NCALD: variants seen among roughly 807,000 people sequenced by gnomAD.
The protein encoded by NCALD is neurocalcin delta.
A neutral mutation model predicts 18.6 loss-of-function variants in NCALD; 10 were observed. The observed-to-expected ratio is 0.54, with a 90% CI of 0.33 to 0.91. NCALD has a LOEUF of 0.91. Among genes scored for constraint, NCALD ranks in the 40% least tolerant of loss-of-function variants. The pLI is 0.03. For synonymous variants in NCALD, 88 were observed against 87.4 expected, an observed-to-expected ratio of 1.01 and a Z score of -0.04; for missense variants, 184 against 247.6, an observed-to-expected ratio of 0.74 and a Z score of 1.72.
rs146483143 is a variant in NCALD, at chr8:101,689,363, G to T, written c.528C>A (p.Asp176Glu). Residue 176 changes from aspartate (D) to glutamate (E), a missense_variant, in exon 4 of 4, where the codon GAC (aspartate) becomes GAA (glutamate). Asp to Glu is a conservative substitution (Grantham distance 45). Transcript: ENST00000220931. This position sits in a 1 kb window ranked among gnomAD's most constrained non-coding sequence, Gnocchi z 4.4. ...ACTGCAGGAGGCGCACAATGGACGG[G>T]TCGCTTTTGGCTCCTCGGATGAACT... Reference protein sequence around the residue: ...LEEFIRGAKSDPSIVRLLQCD... With the variant: ...LEEFIRGAKSEPSIVRLLQCD... 1 of 1,613,074 alleles carries T rather than the reference G, an allele frequency of 6.2e-7. No homozygotes were observed. The highest frequency in any genetic ancestry group is 8.5e-7 in the Non-Finnish European group (1 of 1,179,560).
intron 4 of NCALD, among the ~76,000 whole-genome samples, chr8:101,845,541 T>C (rs1814832075): frequency 6.6e-6 from 1 of 152,192 alleles, no homozygotes; most frequent in Non-Finnish European, 1.5e-5. Flanking sequence ...TTTTCATTGA[T>C]TGTGATTGTA....
chr8:101,979,132 T>A (rs1820526918), intron 2 of NCALD, among the ~76,000 whole-genome samples: 3 of 152,064 alleles, frequency 2.0e-5, no homozygotes, highest in African/African-American at 7.2e-5. Context: ...TCCAGAAGAT[T>A]CCAAGAGTGG....
chr8:102,114,040 A>G (rs1247327645), intron 1 of NCALD, among the ~76,000 whole-genome samples: 1 of 152,266 alleles, frequency 6.6e-6, no homozygotes, highest in Non-Finnish European at 1.5e-5. Context: ...CTTCTCGAGC[A>G]CTTCCTGTGT....
At chr8:102,003,092 C>G (rs528033166) in intron 2 of NCALD, among the ~76,000 whole-genome samples, 2 of 152,160 alleles carry the variant, frequency 1.3e-5, no homozygotes, top group South Asian at 2.1e-4. Context: ...AATCCAGGAG[C>G]TGGTTTCTTG....
rs1814583870 is a variant in NCALD at position 101,688,990 on chromosome 8, T to G, written c.*319A>C. On this transcript the variant is annotated 3_prime_UTR_variant, in exon 4 of 4. Coordinates refer to ENST00000220931, the MANE Select transcript of NCALD (RefSeq NM_032041.3). ...ACAGGACTGGATGGGTTTCCCTTCT[T>G]TTGCCCCAACCCCCGAGTCTTACGT... 1 of 682,716 alleles carries G rather than the reference T, an allele frequency of 1.5e-6. No homozygotes were observed. The highest frequency in any genetic ancestry group is 2.6e-6 in the Non-Finnish European group (1 of 377,664). 42.3% of individuals were successfully genotyped at this position (682,716 alleles called of 1,614,324 possible).
intron 4 of NCALD, among the ~76,000 whole-genome samples, chr8:101,861,219 G>GTTGCCC (rs1408664954): frequency 1.4e-4 from 22 of 152,180 alleles, no homozygotes; most frequent in African/African-American, 5.3e-4. Flanking sequence ...ACTAGCAAAA[G>GTTGCCC]AAAACTAATA....
intron 4 of NCALD, among the ~76,000 whole-genome samples, chr8:101,861,291 G>A (rs1281595296): frequency 6.6e-6 from 1 of 152,116 alleles, no homozygotes; most frequent in African/African-American, 2.4e-5. Context: ...GAAACTGAGA[G>A]ATACCTGGAC....
chr8:101,841,893 A>G (rs1814656915), intron 4 of NCALD, among the ~76,000 whole-genome samples: 1 of 152,192 alleles, frequency 6.6e-6, no homozygotes, highest in South Asian at 2.1e-4. Context: ...ATATCCACAC[A>G]AATAAAGAAA....
intron 3 of NCALD, among the ~76,000 whole-genome samples, chr8:101,913,149 G>A (rs1008690167): frequency 1.3e-5 from 2 of 152,180 alleles, no homozygotes; most frequent in Non-Finnish European, 2.9e-5. Context: ...AGAGGCCCAA[G>A]CTGTACTCAG....
chr8:102,049,569 G>A (rs1002248429), intron 1 of NCALD, among the ~76,000 whole-genome samples: 12 of 152,018 alleles, frequency 7.9e-5, no homozygotes, highest in Admixed American at 6.5e-5. Context: ...AAATATAATC[G>A]CTAGATTATA....
chr8:102,023,620 G>C lies in NCALD; in HGVS notation c.-209-3331C>G, dbSNP rs141876375. On this transcript the variant is annotated intron_variant, in intron 1 of 6. Transcript: ENST00000311028. ...TTTTTCTCATCTGCAAAAGTGCCAG[G>C]GATTTGGATTAAAACAGTTATTGAG... Among the ~76,000 whole-genome samples the C allele has an allele frequency of 1.3e-3, 200 of 152,242 alleles. 1 individual carries two copies. The highest frequency in any genetic ancestry group is 3.4e-3 in the Middle Eastern group (1 of 294).
In NCALD at chr8:101,926,713, G is replaced by A. The variant is rs1448376805; in HGVS notation, c.-156-10855C>T. On this transcript the variant is annotated intron_variant, in intron 2 of 6. Coordinates refer to the NCALD transcript ENST00000311028. ...CCACTTAGGCTCACTGAACCCCTGGGAAACACAAGTGTTAGCATGTCATAA... is the reference window on the plus strand; with the variant it reads ...CCACTTAGGCTCACTGAACCCCTGGAAAACACAAGTGTTAGCATGTCATAA... 2.0e-5 allele frequency among the ~76,000 whole-genome samples: 3 copies of A among 152,216 alleles called. No homozygotes were observed. The East Asian group carries it at 5.8e-4, about 29-fold the overall frequency.
At chr8:102,081,562 A>ACAAAAC (rs773444402) in intron 1 of NCALD, among the ~76,000 whole-genome samples, 12,334 of 143,272 alleles carry the variant, frequency 0.086, 1,504 homozygotes, top group African/African-American at 0.27. Context: ...AAAAAAAAAA[A>ACAAAAC]AAAAAAAAAA....
intron 1 of NCALD, among the ~76,000 whole-genome samples, chr8:101,748,832 C>A (rs1810535042): frequency 1.3e-5 from 2 of 152,178 alleles, no homozygotes; most frequent in African/African-American, 4.8e-5. Flanking sequence ...TGTGCTGATA[C>A]AATCATAAAA....
chr8:101,739,956 T>G (rs140751709), intron 1 of NCALD, among the ~76,000 whole-genome samples: 6 of 152,212 alleles, frequency 3.9e-5, no homozygotes, highest in African/African-American at 1.4e-4. Context: ...GGAGGCTTCA[T>G]GAGGCCATTG....
intron 2 of NCALD, among the ~76,000 whole-genome samples, chr8:101,957,352 G>C (rs1161044179): frequency 8.2e-6 from 1 of 121,772 alleles, no homozygotes; most frequent in Non-Finnish European, 1.6e-5. Context: ...CAGAGATGAA[G>C]ATAAACAAGA....
intron 1 of NCALD, among the ~76,000 whole-genome samples, chr8:101,775,756 C>G (rs1166777612): frequency 6.6e-6 from 1 of 152,170 alleles, no homozygotes; most frequent in South Asian, 2.1e-4. Flanking sequence ...AGCCATTTCT[C>G]TCCTGGTGTC....
intron 1 of NCALD, among the ~76,000 whole-genome samples, chr8:102,045,599 T>C (rs1823209870): frequency 1.3e-5 from 2 of 152,214 alleles, no homozygotes; most frequent in Non-Finnish European, 1.5e-5. Context: ...AACTAGCCAA[T>C]TGGTACTTGA....
chr8:102,083,554 T>C (rs1378663539), intron 1 of NCALD, among the ~76,000 whole-genome samples: 1 of 152,216 alleles, frequency 6.6e-6, no homozygotes, highest in African/African-American at 2.4e-5. Flanking sequence ...CTAACATGTA[T>C]GTATTATCAA....
Sources: gnomAD v4.1 joint callset for allele counts (sites outside exome capture counted in the v4.1 genomes callset) on GRCh38, gnomAD v4.1.1 for gene constraint, Gnocchi (gnomAD v3.1) non-coding constraint, MANE v1.5 for transcripts, NCBI Gene and HGNC (gene_info 2026-07-23, HGNC 2026-07-21) for gene names.